Variants in ABI3BP observed in about 807,000 individuals in gnomAD.
The protein encoded by ABI3BP is ABI family member 3 binding protein.
In ABI3BP, 216 loss-of-function variants were observed where a neutral mutation model predicts 268.6. The ratio of observed to expected loss-of-function variants is 0.80; its 90% CI spans 0.72 to 0.90. ABI3BP has a LOEUF of 0.90. Ranked by LOEUF, ABI3BP falls within the 40% of genes least tolerant of loss-of-function variation. ABI3BP has a pLI of 0.00. For synonymous variants in ABI3BP, 730 were observed against 730.0 expected, an observed-to-expected ratio of 1.00 and a Z score of 0.00; for missense variants, 2,090 against 2,182.4, an observed-to-expected ratio of 0.96 and a Z score of 0.84.
At chr3:100,878,163 T>C (rs2099183074) in intron 6 of ABI3BP, among the ~76,000 whole-genome samples, 1 of 152,210 alleles carries the variant, frequency 6.6e-6, no homozygotes, top group Non-Finnish European at 1.5e-5. Context: ...ATAGAGGTTT[T>C]ATTAAATGAT....
intron 20 of ABI3BP, among the ~76,000 whole-genome samples, chr3:100,845,598 A>C (rs1274894552): frequency 6.6e-6 from 1 of 152,226 alleles, no homozygotes. Flanking sequence ...AAAATCCATT[A>C]AACATTATTG....
At chr3:100,799,904 T>G (rs1247345022) in intron 51 of ABI3BP, among the ~76,000 whole-genome samples, 1 of 152,172 alleles carries the variant, frequency 6.6e-6, no homozygotes, top group Non-Finnish European at 1.5e-5. Context: ...CAACCATCAG[T>G]TAGGGTCTTC....
chr3:100,847,474 G>C lies in ABI3BP; in HGVS notation c.1648+128C>G. 1.2e-5 allele frequency: 10 copies of C among 803,134 alleles called. No individual in the cohort carries two copies. The South Asian group carries it at 1.6e-4, about 13-fold the overall frequency. The allele number at this position is 803,134 out of a possible 1,614,324, so 49.8% of individuals were successfully genotyped here. On this transcript the variant is annotated intron_variant, in intron 19 of 67. Coordinates refer to ENST00000471714, the MANE Select transcript of ABI3BP (RefSeq NM_001375547.2). The stretch of plus-strand genomic sequence containing the variant: ...ATGGAGCTGGTGCACTCTCTGAGAT[G>C]GGCCATGCTGTTCAAATGAACCGTT...
chr3:100,957,859 T>C (rs1412333126), intron 1 of ABI3BP, among the ~76,000 whole-genome samples: 2 of 152,204 alleles, frequency 1.3e-5, no homozygotes, highest in East Asian at 3.9e-4. Context: ...ACTCTGTCAT[T>C]AAAATAGTCC....
intron 29 of ABI3BP, among the ~76,000 whole-genome samples, chr3:100,834,167 T>C (rs2098540326): frequency 6.6e-6 from 1 of 152,046 alleles, no homozygotes; most frequent in African/African-American, 2.4e-5. Context: ...AGAAATGGAG[T>C]TCTCCCTAAA....
Position 100,775,329 on chromosome 3 carries a change from A to T in ABI3BP, c.4340T>A (p.Ile1447Asn). The T allele has an allele frequency of 6.2e-7, 1 of 1,603,922 alleles. No individual in the cohort carries two copies. Among genetic ancestry groups the T allele is most frequent in the East Asian group, 2.2e-5 (1 of 44,614 alleles). The change falls in exon 60 of 68, where the codon ATT (isoleucine) becomes AAT (asparagine). Residue 1447 changes from isoleucine to asparagine, a missense_variant. Transcript: ENST00000471714. ...TGGTGTAGTTATTGGGCCTGATGAA[A>T]TGATTCCTGTAAAGTAGAGCCAAAG... The part of the protein sequence containing the change: ...VTGKPGSAGI[I>N]SSGPITTPPL...
chr3:100,867,671 C>A, intron 9 of ABI3BP, among the ~76,000 whole-genome samples: 1 of 135,434 alleles, frequency 7.4e-6, no homozygotes, highest in African/African-American at 2.7e-5. Flanking sequence ...AGAAAATTTC[C>A]GTTATTCTAC....
In ABI3BP at chr3:100,795,787, T is replaced by C. The variant is rs748042849; in HGVS notation, c.3865+17A>G. 2 of 1,284,560 alleles carry C rather than the reference T, an allele frequency of 1.6e-6. No homozygotes were observed. Among genetic ancestry groups the C allele is most frequent in the South Asian group, 2.5e-5 (2 of 80,158 alleles). 79.6% of individuals were successfully genotyped at this position (1,284,560 alleles called of 1,614,324 possible). On this transcript the variant is annotated intron_variant, in intron 53 of 67. Coordinates refer to ENST00000471714, the MANE Select transcript of ABI3BP (RefSeq NM_001375547.2). ...TAGCAAAGAAAACAGAGTTGGTCAA[T>C]ATGGGAAAACCATTACCTATTGTTG... is the stretch of plus-strand genomic sequence containing the variant.
chr3:100,794,879 T>C, intron 54 of ABI3BP, 44 bp downstream of exon 54: 1 of 1,447,662 alleles, frequency 6.9e-7, no homozygotes, highest in Non-Finnish European at 9.5e-7. Flanking sequence ...GGGAAATTCC[T>C]AAAAGGCAAG....
chr3:100,791,099 C>T (rs541532945), intron 55 of ABI3BP, among the ~76,000 whole-genome samples: 1 of 151,712 alleles, frequency 6.6e-6, no homozygotes, highest in Non-Finnish European at 1.5e-5. Context: ...AAACATAGTA[C>T]AAGAGCTAAG....
chr3:100,795,320 G>A (rs1190233141), intron 53 of ABI3BP, among the ~76,000 whole-genome samples: 1 of 152,002 alleles, frequency 6.6e-6, no homozygotes, highest in African/African-American at 2.4e-5. Context: ...GTTCAAGAGA[G>A]CATGCATGAT....
chr3:100,936,604 C>G (rs1022858551), intron 1 of ABI3BP, among the ~76,000 whole-genome samples: 1 of 151,914 alleles, frequency 6.6e-6, no homozygotes, highest in African/African-American at 2.4e-5. Context: ...TCTGTCTGGT[C>G]CTGGACTTTT....
intron 1 of ABI3BP, among the ~76,000 whole-genome samples, chr3:100,949,970 A>G (rs1384321074): frequency 6.6e-6 from 1 of 152,222 alleles, no homozygotes; most frequent in African/African-American, 2.4e-5. Flanking sequence ...CCTGTAAAGT[A>G]GTATTAATCA....
At chr3:100,984,899 T>G (rs1345415794) in intron 1 of ABI3BP, among the ~76,000 whole-genome samples, 3 of 151,982 alleles carry the variant, frequency 2.0e-5, no homozygotes, top group African/African-American at 7.3e-5. Flanking sequence ...TCTATGAGAG[T>G]CTGAGTGTCA....
intron 34 of ABI3BP, 23 bp from the exon 35 acceptor site, chr3:100,825,867 A>T: frequency 6.6e-7 from 1 of 1,507,502 alleles, no homozygotes; most frequent in Non-Finnish European, 8.9e-7. Context: ...GATAAACAAA[A>T]GAGATGGTAA....
intron 57 of ABI3BP, among the ~76,000 whole-genome samples, chr3:100,786,728 T>G (rs1020255112): frequency 2.0e-5 from 3 of 152,148 alleles, no homozygotes; most frequent in Non-Finnish European, 2.9e-5. Flanking sequence ...GTGCACCATC[T>G]AATCCCACAG....
At position 100,778,654 on chromosome 3, in the gene ABI3BP, C is replaced by T. The variant is rs146690875; in HGVS notation, c.4241-278G>A. 4.1e-3 allele frequency: 1,321 copies of T among 324,852 alleles called. 8 individuals are homozygous for T. The highest frequency in any genetic ancestry group is 5.2e-3 in the Non-Finnish European group (951 of 181,712). The allele number at this position is 324,852 out of a possible 1,614,324, so 20.1% of individuals were successfully genotyped here. ...TCGGGCCCTTCATATCTGTGGGTTCCCCATCAGTTAATTCAAACAACTGTG... is the reference window on the plus strand; with the variant it reads ...TCGGGCCCTTCATATCTGTGGGTTCTCCATCAGTTAATTCAAACAACTGTG... On this transcript the variant is annotated intron_variant, in intron 58 of 67. Transcript: ENST00000471714.
intron 63 of ABI3BP, among the ~76,000 whole-genome samples, chr3:100,757,880 T>A (rs1013410191): frequency 6.6e-6 from 1 of 152,144 alleles, no homozygotes; most frequent in Non-Finnish European, 1.5e-5. Flanking sequence ...AGGGAGGAGA[T>A]GCTTTTGTGA....
chr3:100,760,958 G>A (rs1265511072), intron 63 of ABI3BP, among the ~76,000 whole-genome samples: 3 of 152,028 alleles, frequency 2.0e-5, no homozygotes, highest in South Asian at 4.2e-4. Context: ...ACAGGAGTTC[G>A]TTGTACAGAT....
Sources: gnomAD v4.1 joint callset for allele counts (sites outside exome capture counted in the v4.1 genomes callset) on GRCh38, gnomAD v4.1.1 for gene constraint, MANE v1.5 for transcripts, NCBI Gene and HGNC (gene_info 2026-07-23, HGNC 2026-07-21) for gene names.